Variants in TMEM131 observed in about 807,000 individuals in gnomAD.
TMEM131 encodes transmembrane protein 131.
Under a neutral mutation model 211.6 loss-of-function variants are expected in TMEM131, and 66 were observed. The observed-to-expected ratio is 0.31, with a 90% CI of 0.26 to 0.38. The LOEUF is 0.38. Ranked by LOEUF, TMEM131 falls within the 10% of genes least tolerant of loss-of-function variation. TMEM131 has a pLI of 1.00. For synonymous variants in TMEM131, 844 were observed against 841.3 expected (o/e 1.00, Z -0.06); for missense variants, 2,036 against 2,299.3 (o/e 0.89, Z 2.34).
intron 1 of TMEM131, among the ~76,000 whole-genome samples, chr2:97,973,991 T>C (rs72944834): frequency 0.025 from 3,748 of 152,202 alleles, 162 homozygotes; most frequent in African/African-American, 0.087. Context: ...CAATCAAAGA[T>C]TATCAGGCAC....
intron 4 of TMEM131, among the ~76,000 whole-genome samples, chr2:97,871,137 A>T (rs1674473827): frequency 6.6e-6 from 1 of 152,228 alleles, no homozygotes; most frequent in African/African-American, 2.4e-5. Flanking sequence ...TGAATGTAAT[A>T]ATTATATAAG....
intron 4 of TMEM131, among the ~76,000 whole-genome samples, chr2:97,868,351 T>C (rs184099276): frequency 1.5e-4 from 23 of 152,102 alleles, no homozygotes; most frequent in African/African-American, 1.9e-4. Flanking sequence ...TTTATATATA[T>C]ACACACACAC....
intron 3 of TMEM131, among the ~76,000 whole-genome samples, chr2:97,902,126 TACAG>T (rs1252173378): frequency 1.3e-5 from 2 of 151,734 alleles, no homozygotes; most frequent in African/African-American, 4.8e-5. Context: ...CTAAATGGGA[TACAG>T]AGAGAAACAA....
chr2:97,768,653 C>T (rs570241049), intron 33 of TMEM131, among the ~76,000 whole-genome samples: 14 of 152,292 alleles, frequency 9.2e-5, no homozygotes, highest in Non-Finnish European at 1.9e-4. Context: ...TGCAGTGGCA[C>T]GATCTTGGCT....
intron 25 of TMEM131, among the ~76,000 whole-genome samples, chr2:97,800,082 A>G (rs1465577569): frequency 2.0e-5 from 3 of 152,236 alleles, no homozygotes; most frequent in East Asian, 1.9e-4. Context: ...TATTTTAAAG[A>G]TCTTCCATGC....
rs199878656 is a variant in TMEM131 at position 97,827,657 on chromosome 2, G to C, written c.1074+5708C>G. On this transcript the variant is annotated intron_variant, in intron 11 of 40. Coordinates refer to ENST00000186436, the MANE Select transcript of TMEM131 (RefSeq NM_015348.2). The stretch of plus-strand genomic sequence containing the variant: ...AAATGCAAGTTTTTTAGTAGCTCTA[G>C]AAACATTTTTAAGAAGGAGGGAATC... The C allele has an allele frequency of 1.4e-3, 1,310 of 920,512 alleles. 29 individuals are homozygous for C. The South Asian group carries it at 0.018, about 13-fold the overall frequency. 57.0% of individuals were successfully genotyped at this position (920,512 alleles called of 1,614,324 possible). A position where few individuals can be genotyped will look rare whatever the true frequency, so the allele number is the denominator to read the frequency against.
At chr2:97,882,432 G>T (rs1049891438) in intron 4 of TMEM131, among the ~76,000 whole-genome samples, 1 of 152,154 alleles carries the variant, frequency 6.6e-6, no homozygotes, top group Non-Finnish European at 1.5e-5. Flanking sequence ...TAATAAAAAC[G>T]ATTATTCTAG....
At chr2:97,963,581 G>A (rs1678913823) in intron 1 of TMEM131, among the ~76,000 whole-genome samples, 1 of 152,182 alleles carries the variant, frequency 6.6e-6, no homozygotes, top group Non-Finnish European at 1.5e-5. Flanking sequence ...TGTGCTTAGT[G>A]GTGGGCACCT....
At chr2:97,944,565 T>G (rs1202762079) in intron 1 of TMEM131, among the ~76,000 whole-genome samples, 1 of 152,198 alleles carries the variant, frequency 6.6e-6, no homozygotes, top group Non-Finnish European at 1.5e-5. Context: ...GCAAATGATG[T>G]ATCTGATAAG....
intron 33 of TMEM131, among the ~76,000 whole-genome samples, chr2:97,769,894 G>GC (rs953618402): frequency 2.6e-5 from 4 of 152,188 alleles, no homozygotes; most frequent in Non-Finnish European, 5.9e-5. Context: ...TGTTGCTGCA[G>GC]CCCCACCCTC....
intron 1 of TMEM131, among the ~76,000 whole-genome samples, chr2:97,961,648 C>A (rs1503200): frequency 0.75 from 114,308 of 152,146 alleles, 44,628 homozygotes; most frequent in African/African-American, 0.87. Flanking sequence ...AAAAGACTGC[C>A]GTAACCAAGC....
chr2:97,795,172 G>T (rs1347871597), intron 28 of TMEM131, 57 bp from the exon 29 acceptor site: 1 of 1,318,358 alleles, frequency 7.6e-7, no homozygotes. Flanking sequence ...CAAGCAGTCT[G>T]CATATAATAC....
At chr2:97,805,899 G>C (rs1485351259) in intron 19 of TMEM131, among the ~76,000 whole-genome samples, 196 bp from the exon 20 acceptor site, 1 of 151,972 alleles carries the variant, frequency 6.6e-6, no homozygotes, top group Non-Finnish European at 1.5e-5. Flanking sequence ...TTCTTGCTGT[G>C]GCATGTTACA....
At chr2:97,917,880 C>T (rs1396365342) in intron 2 of TMEM131, among the ~76,000 whole-genome samples, 3 of 152,056 alleles carry the variant, frequency 2.0e-5, no homozygotes, top group Non-Finnish European at 4.4e-5. Flanking sequence ...CACATTTCGG[C>T]TTCCCTAGAG....
intron 4 of TMEM131, among the ~76,000 whole-genome samples, chr2:97,865,952 G>A (rs1327495817): frequency 6.6e-6 from 1 of 152,068 alleles, no homozygotes; most frequent in African/African-American, 2.4e-5. Flanking sequence ...GCACGATCTC[G>A]GCTCACTGCA....
In TMEM131 at chr2:97,995,742, T is replaced by C. The variant is rs1399304598; in HGVS notation, c.-80A>G. ...GGCGGCGGCGGCGCGGAAGCCGTGG[T>C]CCGGGCTCTGGCCGCGGCGCCGGGA... On this transcript the variant is annotated 5_prime_UTR_variant, in exon 1 of 41. Transcript: ENST00000186436. 1.9e-6 allele frequency: 2 copies of C among 1,071,938 alleles called. No individual in the cohort carries two copies. The highest frequency in any genetic ancestry group is 2.3e-6 in the Non-Finnish European group (2 of 867,234). 66.4% of individuals were successfully genotyped at this position (1,071,938 alleles called of 1,614,324 possible).
chr2:97,827,942 T>C (rs9528), intron 11 of TMEM131, among the ~76,000 whole-genome samples: 2,012 of 135,986 alleles, frequency 0.015, no homozygotes, highest in Admixed American at 0.021. Context: ...TCTATTACCA[T>C]GTTGTTTTTT....
intron 1 of TMEM131, among the ~76,000 whole-genome samples, chr2:97,973,238 T>C (rs1215133098): frequency 1.6e-4 from 25 of 152,228 alleles, no homozygotes; most frequent in Non-Finnish European, 4.4e-5. Flanking sequence ...TAATAACTGA[T>C]GCAGACATAT....
chr2:97,757,157 G>T lies in TMEM131; in HGVS notation c.5594C>A (p.Thr1865Lys). The change falls in exon 41 of 41, where the codon ACG becomes AAG. Residue 1865 changes from threonine to lysine, a missense_variant. Around this residue, in one of 3 missense-constraint regions of TMEM131, gnomAD observed 1,623 missense variants for 1,805.9 expected, o/e 0.90. Coordinates refer to ENST00000186436, the MANE Select transcript of TMEM131 (RefSeq NM_015348.2). The part of the protein sequence containing the change: ...TYNPWRIWSP[T>K]IGRRSSDPWS... ...AGGGTCCGAGCTTCTTCTTCCAATC[G>T]TGGGGCTCCATATCCGCCACGGGTT... is the stretch of plus-strand genomic sequence containing the variant. 1.2e-6 allele frequency: 2 copies of T among 1,613,456 alleles called. No individual in the cohort carries two copies. Among genetic ancestry groups the T allele is most frequent in the Non-Finnish European group, 1.7e-6 (2 of 1,179,520 alleles).
Sources: allele counts gnomAD v4.1 joint callset (sites outside exome capture counted in the v4.1 genomes callset), GRCh38; gene constraint gnomAD v4.1.1; regional missense constraint gnomAD v4.1.1; transcripts MANE v1.5; gene names NCBI Gene and HGNC (gene_info 2026-07-23, HGNC 2026-07-21).